AFAP1L1: variants seen among roughly 807,000 people sequenced by gnomAD.
AFAP1L1 encodes actin filament-associated protein 1-like 1.
In AFAP1L1, 77 loss-of-function variants were observed where a neutral mutation model predicts 99.8. That is an observed-to-expected ratio of 0.77 (90% confidence interval 0.64 to 0.93). The LOEUF (loss-of-function observed/expected upper bound fraction) is 0.93, where lower values mean the gene tolerates loss of function less well. Ranked by LOEUF, AFAP1L1 falls within the 40% of genes least tolerant of loss-of-function variation. The pLI is 0.00. For synonymous variants in AFAP1L1, 373 were observed against 395.3 expected (o/e 0.94, Z 0.67); for missense variants, 893 against 996.8 (o/e 0.90, Z 1.40).
intron 1 of AFAP1L1, among the ~76,000 whole-genome samples, chr5:149,291,319 C>G (rs7378628): frequency 0.87 from 132,386 of 151,432 alleles, 58,114 homozygotes; most frequent in Non-Finnish European, 0.91. Flanking sequence ...ATAAGGTCAA[C>G]AGACCGACAC....
intron 7 of AFAP1L1, among the ~76,000 whole-genome samples, chr5:149,309,443 T>C (rs1756540130): frequency 2.0e-5 from 3 of 152,170 alleles, no homozygotes; most frequent in African/African-American, 4.8e-5. Context: ...GCTTTTGCGA[T>C]TGGGTTATGA....
intron 12 of AFAP1L1, among the ~76,000 whole-genome samples, chr5:149,318,142 C>T (rs892684188): frequency 1.3e-5 from 2 of 152,300 alleles, no homozygotes; most frequent in African/African-American, 4.8e-5. Flanking sequence ...TCAGGTAAGC[C>T]ACGAACATTA....
intron 1 of AFAP1L1, among the ~76,000 whole-genome samples, chr5:149,274,423 T>C (rs1755244177): frequency 6.6e-6 from 1 of 152,224 alleles, no homozygotes; most frequent in Non-Finnish European, 1.5e-5. Context: ...CTTGGTGACT[T>C]ACAAAGGCCA....
rs1029643347 is a variant in AFAP1L1 at position 149,340,152 on chromosome 5, C to T, written c.*122C>T. ...AGTAGCCCTCGTTCTCCAGGGCACCCAAAATACCAGCCTTTATTGTCTGCA... is the reference window on the plus strand; with the variant it reads ...AGTAGCCCTCGTTCTCCAGGGCACCTAAAATACCAGCCTTTATTGTCTGCA... On this transcript the variant is annotated 3_prime_UTR_variant, in exon 19 of 19. Coordinates refer to ENST00000296721, the MANE Select transcript of AFAP1L1 (RefSeq NM_152406.4). 3.6e-6 allele frequency: 4 copies of T among 1,102,120 alleles called. No homozygotes were observed. The highest frequency in any genetic ancestry group is 5.3e-6 in the Non-Finnish European group (4 of 748,352). 68.3% of individuals were successfully genotyped at this position (1,102,120 alleles called of 1,614,324 possible).
In AFAP1L1 at chr5:149,343,233, C is replaced by T. The variant is rs1250852545; in HGVS notation, c.*3203C>T. Among the ~76,000 whole-genome samples the T allele has an allele frequency of 1.3e-5, 2 of 151,910 alleles. No individual in the cohort carries two copies. Among genetic ancestry groups the T allele is most frequent in the African/African-American group, 4.8e-5 (2 of 41,334 alleles). On this transcript the variant is annotated 3_prime_UTR_variant, in exon 19 of 19. Coordinates refer to ENST00000296721, the MANE Select transcript of AFAP1L1 (RefSeq NM_152406.4). ...GCTCTGTCCTCATGGAACTCAGAGA[C>T]AAGCAGGAAAGAAAATGTGACCCAA...
At position 149,315,896 on chromosome 5, in the gene AFAP1L1, C is replaced by T. The variant is rs374903729; in HGVS notation, c.1096C>T (p.Arg366Trp). The T allele has an allele frequency of 1.7e-5, 27 of 1,613,966 alleles. No homozygotes were observed. The highest frequency in any genetic ancestry group is 9.9e-5 in the South Asian group (9 of 91,072). The change falls in exon 10 of 19, where the codon CGG becomes TGG. Residue 366 changes from arginine to tryptophan, a missense_variant. Arg to Trp is a moderately radical substitution (Grantham distance 101). Coordinates refer to ENST00000296721, the MANE Select transcript of AFAP1L1 (RefSeq NM_152406.4). Reference protein sequence around the residue: ...VGDNCSTLGRRETCDHGKGKK... With the variant: ...VGDNCSTLGRWETCDHGKGKK... ...TGACAACTGTTCTACCCTTGGCCGC[C>T]GGGAGACCTGTGATCACGGTAGGAG... is the stretch of plus-strand genomic sequence containing the variant.
intron 5 of AFAP1L1, among the ~76,000 whole-genome samples, chr5:149,303,760 C>A (rs10476908): frequency 3.9e-5 from 6 of 152,070 alleles, no homozygotes; most frequent in African/African-American, 9.7e-5. Flanking sequence ...GATTTTCCTG[C>A]GGGAAATTAA....
At chr5:149,309,879 C>G (rs966976253) in intron 7 of AFAP1L1, 77 bp from the exon 8 acceptor site, 23 of 1,595,066 alleles carry the variant, frequency 1.4e-5, no homozygotes, top group Non-Finnish European at 1.9e-5. Context: ...GGGCTTCCCC[C>G]GAGCCTTTGT....
In AFAP1L1 at chr5:149,343,507, T is replaced by C. The variant is rs1017478886; in HGVS notation, c.*3477T>C. ...CTTAATTAAGTCATTCAACAAATACTTGAGTACCTACTATACTAGATGTCA... is the reference window on the plus strand; with the variant it reads ...CTTAATTAAGTCATTCAACAAATACCTGAGTACCTACTATACTAGATGTCA... On this transcript the variant is annotated 3_prime_UTR_variant, in exon 19 of 19. Transcript: ENST00000296721. Among the ~76,000 whole-genome samples, 33 of 152,166 alleles carry C rather than the reference T, an allele frequency of 2.2e-4. No homozygotes were observed. The Middle Eastern group carries it at 0.017, about 78-fold the overall frequency.
intron 9 of AFAP1L1, among the ~76,000 whole-genome samples, chr5:149,314,414 A>G (rs1756736041): frequency 6.6e-6 from 1 of 151,452 alleles, no homozygotes; most frequent in African/African-American, 2.4e-5. Flanking sequence ...GAGGGTAACT[A>G]GAATGTTGGG....
At chr5:149,301,319 C>A (rs1756203396) in intron 4 of AFAP1L1, 89 bp downstream of exon 4, 1 of 1,257,718 alleles carries the variant, frequency 8.0e-7, no homozygotes. Flanking sequence ...TGGGTGCTCT[C>A]CTGGCGGTTC....
At chr5:149,291,894 CCA>C (rs1755872214) in intron 1 of AFAP1L1, among the ~76,000 whole-genome samples, 1 of 152,168 alleles carries the variant, frequency 6.6e-6, no homozygotes, top group South Asian at 2.1e-4. Context: ...CTTCATAAAA[CCA>C]CAGTCTCACA....
At chr5:149,312,723 A>G (rs1756672211) in intron 9 of AFAP1L1, among the ~76,000 whole-genome samples, 1 of 151,644 alleles carries the variant, frequency 6.6e-6, no homozygotes, top group Non-Finnish European at 1.5e-5. Context: ...TGGCAGGTGG[A>G]GGCTGCAGTG....
At chr5:149,294,257 A>T (rs926107145) in intron 1 of AFAP1L1, among the ~76,000 whole-genome samples, 3 of 152,190 alleles carry the variant, frequency 2.0e-5, no homozygotes, top group Admixed American at 1.3e-4. Context: ...GAGGTCTGGG[A>T]ATGTGCATTT....
At position 149,300,255 on chromosome 5, in the gene AFAP1L1, C is replaced by T; in HGVS notation, c.146-16C>T. On this transcript the variant is annotated splice_polypyrimidine_tract_variant and intron_variant, in intron 2 of 18. Coordinates refer to ENST00000296721, the MANE Select transcript of AFAP1L1 (RefSeq NM_152406.4). ...CTCCTCCTTCACAGCTGGCATGTCC[C>T]CCTTCTTCCTCACAGCAAAGGAGGT... 2 of 1,603,762 alleles carry T rather than the reference C, an allele frequency of 1.2e-6. No individual in the cohort carries two copies. The highest frequency in any genetic ancestry group is 1.7e-6 in the Non-Finnish European group (2 of 1,173,122).
chr5:149,317,306 C>G (rs1756824087), intron 11 of AFAP1L1, among the ~76,000 whole-genome samples: 1 of 152,218 alleles, frequency 6.6e-6, no homozygotes, highest in Non-Finnish European at 1.5e-5. Flanking sequence ...ATTAGCTACA[C>G]AGCAGCTGTG....
At chr5:149,314,069 G>A (rs983030569) in intron 9 of AFAP1L1, among the ~76,000 whole-genome samples, 1 of 152,200 alleles carries the variant, frequency 6.6e-6, no homozygotes, top group East Asian at 1.9e-4. Flanking sequence ...CCTATGTTGA[G>A]CCTTAAGGCA....
intron 1 of AFAP1L1, among the ~76,000 whole-genome samples, chr5:149,293,168 C>T (rs2127592318): frequency 6.6e-6 from 1 of 152,334 alleles, no homozygotes; most frequent in Non-Finnish European, 1.5e-5. Flanking sequence ...AGAGAGCAGC[C>T]ATCGAGTGCC....
rs772828743 is a variant in AFAP1L1 at position 149,335,707 on chromosome 5, G to A, written c.2268G>A (p.Val756=). 4 of 1,614,038 alleles carry A rather than the reference G, an allele frequency of 2.5e-6. No individual in the cohort carries two copies. Among genetic ancestry groups the A allele is most frequent in the Non-Finnish European group, 3.4e-6 (4 of 1,180,006 alleles). ...TCGTAGCCTCCAACCAAGGAAGGGT[G>A]CTACAGAAAGCCAAGGTAGAGCCAT... ...PSIVASNQGR[V]LQKAKEWEMK... The change falls in exon 18 of 19, where the codon GTG becomes GTA. Residue 756 remains valine, a synonymous_variant. Transcript: ENST00000296721.
Sources: allele counts gnomAD v4.1 joint callset (sites outside exome capture counted in the v4.1 genomes callset), GRCh38; gene constraint gnomAD v4.1.1; transcripts MANE v1.5; gene names NCBI Gene and HGNC (gene_info 2026-07-23, HGNC 2026-07-21).